The following MARCHF4 variants were observed in gnomAD, a reference collection of about 807,000 sequenced individuals.
MARCHF4 encodes E3 ubiquitin-protein ligase MARCHF4.
Under a neutral mutation model 43.9 loss-of-function variants are expected in MARCHF4, and 14 were observed. The observed-to-expected ratio is 0.32, with a 90% CI of 0.21 to 0.50. The LOEUF (loss-of-function observed/expected upper bound fraction) is 0.50. Ranked by LOEUF, MARCHF4 falls within the 20% of genes least tolerant of loss-of-function variation. The pLI is 0.98. For synonymous variants in MARCHF4, 226 were observed against 213.3 expected, an observed-to-expected ratio of 1.06 and a Z score of -0.52; for missense variants, 468 against 536.7, an observed-to-expected ratio of 0.87 and a Z score of 1.27.
intron 1 of MARCHF4, among the ~76,000 whole-genome samples, chr2:216,324,194 C>G (rs1691951293): frequency 6.8e-6 from 1 of 148,076 alleles, no homozygotes; most frequent in South Asian, 2.3e-4. Flanking sequence ...CACCTCTATG[C>G]AAATAAACTA....
At chr2:216,283,794 C>A (rs1363843826) in intron 1 of MARCHF4, 65 bp from the exon 2 acceptor site, 12 of 1,469,200 alleles carry the variant, frequency 8.2e-6, no homozygotes, top group Non-Finnish European at 1.1e-5. Flanking sequence ...GAGTGATGGG[C>A]GGGAGGGTGG....
At chr2:216,361,387 G>A (rs767798191) in intron 1 of MARCHF4, among the ~76,000 whole-genome samples, 7 of 152,130 alleles carry the variant, frequency 4.6e-5, no homozygotes, top group Non-Finnish European at 7.4e-5. Flanking sequence ...AGAAACACTC[G>A]TCCAAGGAGG....
intron 1 of MARCHF4, among the ~76,000 whole-genome samples, chr2:216,354,953 T>TTCTTTCTTTCTTTCTC (rs1692471976): frequency 6.9e-6 from 1 of 145,622 alleles, no homozygotes; most frequent in Admixed American, 7.0e-5. Context: ...CTTTCTTTCT[T>TTCTTTCTTTCTTTCTC]TCTTTCTTTC....
At chr2:216,357,756 T>C (rs1443102815) in intron 1 of MARCHF4, among the ~76,000 whole-genome samples, 1 of 152,270 alleles carries the variant, frequency 6.6e-6, no homozygotes, top group African/African-American at 2.4e-5. Context: ...ATACTTCAAG[T>C]ATCTCTTTGA....
chr2:216,299,933 C>T (rs1691459385), intron 1 of MARCHF4, among the ~76,000 whole-genome samples: 1 of 152,192 alleles, frequency 6.6e-6, no homozygotes, highest in Non-Finnish European at 1.5e-5. Context: ...CAGGAGAGGG[C>T]AAGCACTTTT....
At chr2:216,348,188 T>A (rs893050573) in intron 1 of MARCHF4, among the ~76,000 whole-genome samples, 1 of 151,788 alleles carries the variant, frequency 6.6e-6, no homozygotes, top group Non-Finnish European at 1.5e-5. Flanking sequence ...CAAGCATGCA[T>A]CACCACACCA....
Position 216,258,748 on chromosome 2 carries a change from C to T in MARCHF4, c.*564G>A, listed in dbSNP as rs1275728779. Reference sequence around the variant, plus strand: ...CTGAGCATCCCTCCCTGACCATCCACCCCACCATCCCCACAGCCATTTGTC... The same window carrying T: ...CTGAGCATCCCTCCCTGACCATCCATCCCACCATCCCCACAGCCATTTGTC... On this transcript the variant is annotated 3_prime_UTR_variant, in exon 4 of 4. Coordinates refer to ENST00000273067, the MANE Select transcript of MARCHF4 (RefSeq NM_020814.3). 1 of 152,906 alleles carries T rather than the reference C, an allele frequency of 6.5e-6. No homozygotes were observed. Among genetic ancestry groups the T allele is most frequent in the African/African-American group, 2.4e-5 (1 of 41,424 alleles). 9.5% of individuals were successfully genotyped at this position (152,906 alleles called of 1,614,324 possible).
chr2:216,303,964 T>C (rs901820571), intron 1 of MARCHF4, among the ~76,000 whole-genome samples: 9 of 152,024 alleles, frequency 5.9e-5, no homozygotes, highest in African/African-American at 2.2e-4. Context: ...CACCTGGAAA[T>C]GGCACCAACA....
At chr2:216,308,538 G>A (rs1427692612) in intron 1 of MARCHF4, among the ~76,000 whole-genome samples, 1 of 152,236 alleles carries the variant, frequency 6.6e-6, no homozygotes, top group Non-Finnish European at 1.5e-5. Context: ...TAGGCAGATG[G>A]CACAGAAGAG....
chr2:216,367,749 C>T (rs1692688456), intron 1 of MARCHF4, among the ~76,000 whole-genome samples: 3 of 152,200 alleles, frequency 2.0e-5, no homozygotes, highest in Non-Finnish European at 2.9e-5. Flanking sequence ...GAAAGGAAAG[C>T]TTCTAACCTC....
intron 1 of MARCHF4, 144 bp from the exon 2 acceptor site, chr2:216,283,873 A>T: frequency 3.5e-5 from 30 of 860,530 alleles, no homozygotes; most frequent in Middle Eastern, 3.7e-4. Flanking sequence ...GACTCCATGG[A>T]GGAGGCCTGG....
chr2:216,290,429 C>T (rs977101181), intron 1 of MARCHF4, among the ~76,000 whole-genome samples: 5 of 151,838 alleles, frequency 3.3e-5, no homozygotes, highest in African/African-American at 7.3e-5. Context: ...GAAGAGGAGC[C>T]GAAAATGAAG....
chr2:216,343,760 T>C lies in MARCHF4; in HGVS notation c.516+25985A>G, dbSNP rs545692399. 1.2e-4 allele frequency among the ~76,000 whole-genome samples: 19 copies of C among 152,332 alleles called. 1 individual carries two copies. The East Asian group carries it at 2.1e-3, about 17-fold the overall frequency. On this transcript the variant is annotated intron_variant, in intron 1 of 3. Transcript: ENST00000273067. The stretch of plus-strand genomic sequence containing the variant: ...ATAGGGATATTGCAGCTCAGAAATG[T>C]CCAACAACATTCCTGAGGTCATATA...
At chr2:216,316,384 C>T (rs1006618312) in intron 1 of MARCHF4, among the ~76,000 whole-genome samples, 2 of 152,172 alleles carry the variant, frequency 1.3e-5, no homozygotes, top group Admixed American at 1.3e-4. Flanking sequence ...CTCCTAGTCC[C>T]TCTTGAACAT....
At chr2:216,278,218 T>A (rs1295523397) in intron 2 of MARCHF4, among the ~76,000 whole-genome samples, 1 of 151,026 alleles carries the variant, frequency 6.6e-6, no homozygotes, top group East Asian at 2.0e-4. Flanking sequence ...CAGATGATTC[T>A]TTTATTTATT....
intron 3 of MARCHF4, among the ~76,000 whole-genome samples, chr2:216,266,906 C>T (rs1018892360): frequency 1.1e-4 from 16 of 152,184 alleles, no homozygotes; most frequent in Non-Finnish European, 1.5e-4. Flanking sequence ...CTACACGTCA[C>T]ATGAGCTATT....
At chr2:216,362,380 C>T (rs542814664) in intron 1 of MARCHF4, among the ~76,000 whole-genome samples, 14 of 152,190 alleles carry the variant, frequency 9.2e-5, no homozygotes, top group Non-Finnish European at 1.5e-4. Context: ...GCAGGGGAAA[C>T]GATTAGCAAA....
intron 1 of MARCHF4, among the ~76,000 whole-genome samples, chr2:216,319,948 C>T (rs1222003863): frequency 1.3e-5 from 2 of 152,340 alleles, no homozygotes; most frequent in South Asian, 2.1e-4. Context: ...AGAGCCTTCA[C>T]TTGCTGCCTG....
At chr2:216,293,634 T>C (rs2105946060) in intron 1 of MARCHF4, among the ~76,000 whole-genome samples, 1 of 137,058 alleles carries the variant, frequency 7.3e-6, no homozygotes, top group African/African-American at 2.4e-5. Flanking sequence ...AGCCAAACCC[T>C]CCAAACTATG....
Sources: gnomAD v4.1 joint callset for allele counts (sites outside exome capture counted in the v4.1 genomes callset) on GRCh38, gnomAD v4.1.1 for gene constraint, MANE v1.5 for transcripts, NCBI Gene and HGNC (gene_info 2026-07-23, HGNC 2026-07-21) for gene names.